Variants in COL20A1 observed in about 807,000 individuals in gnomAD.
COL20A1 encodes collagen type XX alpha 1 chain.
In COL20A1, 164 loss-of-function variants were observed where a neutral mutation model predicts 152.9. The ratio of observed to expected loss-of-function variants is 1.07; its 90% CI spans 0.94 to 1.22. The LOEUF (loss-of-function observed/expected upper bound fraction) is 1.22, where lower values mean the gene tolerates loss of function less well. Among genes scored for constraint, COL20A1 ranks in the 50% most tolerant of loss-of-function variants. COL20A1 has a pLI of 0.00. For missense variants in COL20A1, 1,873 were observed against 1,744.8 expected (o/e 1.07, Z -1.31); for synonymous variants, 864 against 756.0 (o/e 1.14, Z -2.34).
intron 2 of COL20A1, among the ~76,000 whole-genome samples, chr20:63,297,011 C>G (rs2067802496): frequency 6.6e-6 from 1 of 152,210 alleles, no homozygotes. Flanking sequence ...CCTGCCGCCC[C>G]CTCTTCCTCT....
intron 26 of COL20A1, among the ~76,000 whole-genome samples, chr20:63,321,690 G>A (rs2068165082): frequency 6.6e-6 from 1 of 152,112 alleles, no homozygotes; most frequent in Admixed American, 6.5e-5. Context: ...GAGGTCCTTG[G>A]ACCTGCCATG....
chr20:63,313,107 C>T lies in COL20A1; in HGVS notation c.2077-10C>T. On this transcript the variant is annotated splice_polypyrimidine_tract_variant and intron_variant, in intron 16 of 35. Transcript: ENST00000358894. The surrounding 1 kb of genome is among the most constrained non-coding windows in gnomAD (Gnocchi z 5.9). ...GCACCCGGTGACCCCTGGGGCTCTC[C>T]TCTCCCTAGATCTCTGTCCCAGGGA... 1 of 1,603,652 alleles carries T rather than the reference C, an allele frequency of 6.2e-7. No homozygotes were observed. The highest frequency in any genetic ancestry group is 8.5e-7 in the Non-Finnish European group (1 of 1,175,870).
chr20:63,321,987 AG>A, intron 26 of COL20A1, 70 bp from the exon 27 acceptor site: 1 of 1,313,766 alleles, frequency 7.6e-7, no homozygotes, highest in African/African-American at 1.5e-5. Context: ...CATGGGGCTC[AG>A]GGGCTGGTCT....
intron 2 of COL20A1, among the ~76,000 whole-genome samples, chr20:63,296,378 G>A (rs975763447): frequency 6.6e-6 from 1 of 152,282 alleles, no homozygotes; most frequent in Non-Finnish European, 1.5e-5. Flanking sequence ...GATTCAGCAT[G>A]ATGGGGCCAC....
At position 63,297,990 on chromosome 20, in the gene COL20A1, G is replaced by A. The variant is rs1480665941; in HGVS notation, c.163G>A (p.Gly55Ser). ...KWRESEGSGL[G>S]YLVQVKPMAG... ...GAGAGAGTCGGAGGGGAGCGGCCTC[G>A]GCTACCTGGTGCAGGTGAAGCCCAT... is the stretch of plus-strand genomic sequence containing the variant. Residue 55 changes from glycine to serine, a missense_variant, in exon 3 of 36, where the codon GGC becomes AGC. Coordinates refer to ENST00000358894, the MANE Select transcript of COL20A1 (RefSeq NM_020882.4). The A allele has an allele frequency of 4.3e-6, 7 of 1,612,460 alleles. No homozygotes were observed. Among genetic ancestry groups the A allele is most frequent in the South Asian group, 2.2e-5 (2 of 91,072 alleles).
chr20:63,319,198 A>C lies in COL20A1; in HGVS notation c.2804A>C (p.Asp935Ala). 6.2e-7 allele frequency: 1 copy of C among 1,612,326 alleles called. No homozygotes were observed. Among genetic ancestry groups the C allele is most frequent in the Non-Finnish European group, 8.5e-7 (1 of 1,179,584 alleles). ...CAGCCCCTCCTTGGGGTTCTGCTGG[A>C]TGGTGACGTGGGCCCCGCGTCGCCC... ...DFQPLLGVLL[D>A]AGKKSLTYFH... The change falls in exon 22 of 36, where the codon GAT becomes GCT. Residue 935 changes from aspartate (D) to alanine (A), a missense_variant and splice_region_variant. Coordinates refer to ENST00000358894, the MANE Select transcript of COL20A1 (RefSeq NM_020882.4). The surrounding 1 kb of genome is among the most constrained non-coding windows in gnomAD (Gnocchi z 4.4).
rs67798234 is a variant in COL20A1, at chr20:63,326,134, AC to A, written c.3446del (p.Pro1149LeufsTer53). On this transcript the variant is annotated frameshift_variant, in exon 30 of 36. Transcript: ENST00000358894. LOFTEE classifies it high-confidence loss of function. ...GLEGTAGLPG[P>X]PGPRGFQGMA... The stretch of plus-strand genomic sequence containing the variant: ...TGGAGGGAACTGCTGGCCTGCCTGG[AC>A]CCCCTGGCCCCAGGGTAGGCACCGA... 1 of 1,611,180 alleles carries A rather than the reference AC, an allele frequency of 6.2e-7. No individual in the cohort carries two copies. Among genetic ancestry groups the A allele is most frequent in the Non-Finnish European group, 8.5e-7 (1 of 1,179,016 alleles).
Position 63,326,732 on chromosome 20 carries a change from T to G in COL20A1, c.3457-20T>G. On this transcript the variant is annotated intron_variant, in intron 30 of 35. Transcript: ENST00000358894. ...TTTGCTGGGGGCCCAAGCCAAACCC[T>G]GACTTCTGTGTCTATGCAGGGGTTC... is the stretch of plus-strand genomic sequence containing the variant. The G allele has an allele frequency of 7.1e-7, 1 of 1,416,012 alleles. No homozygotes were observed. The highest frequency in any genetic ancestry group is 1.6e-5 in the South Asian group (1 of 61,554). The allele number at this position is 1,416,012 out of a possible 1,614,324, so 87.7% of individuals were successfully genotyped here.
intron 27 of COL20A1, among the ~76,000 whole-genome samples, chr20:63,323,195 T>A (rs1208039716): frequency 3.3e-5 from 5 of 152,258 alleles, no homozygotes; most frequent in African/African-American, 4.8e-5. Flanking sequence ...TCCTCTGACT[T>A]CTTCTCCACC....
At chr20:63,329,552 C>A in intron 34 of COL20A1, 33 bp from the exon 35 acceptor site, 1 of 1,575,884 alleles carries the variant, frequency 6.3e-7, no homozygotes, top group Non-Finnish European at 8.7e-7. Flanking sequence ...CACTGCATTG[C>A]TCCGTCCTCA....
Position 63,294,334 on chromosome 20 carries a change from C to T in COL20A1, c.-10-764C>T, listed in dbSNP as rs1380841434. The stretch of plus-strand genomic sequence containing the variant: ...ATGCTCCCCACCTCTCCGAGTGGCA[C>T]CTCTGGGCACTGGTCACTGGGTTAC... On this transcript the variant is annotated intron_variant, in intron 1 of 35. Coordinates refer to ENST00000358894, the MANE Select transcript of COL20A1 (RefSeq NM_020882.4). 4.0e-5 allele frequency among the ~76,000 whole-genome samples: 6 copies of T among 151,544 alleles called. No individual in the cohort carries two copies. The South Asian group carries it at 1.0e-3, about 26-fold the overall frequency.
intron 7 of COL20A1, 113 bp from the exon 8 acceptor site, chr20:63,308,429 C>T: frequency 3.6e-6 from 4 of 1,117,278 alleles, no homozygotes; most frequent in South Asian, 3.3e-5. Context: ...GCGGGGCCTC[C>T]TGATACCCCA....
chr20:63,325,244 C>A, intron 27 of COL20A1, 197 bp from the exon 28 acceptor site: 1 of 701,996 alleles, frequency 1.4e-6, no homozygotes. Context: ...CCTTGTCAGG[C>A]CCTACCCGCT....
chr20:63,311,694 C>T lies in COL20A1; in HGVS notation c.1609C>T (p.Gln537Ter), dbSNP rs563164863. ...TGGCAGGGACTATGAGGTCTCGGTG[C>T]AGAGCCTGCGAGGCCCTGAGGGCAG... ...EPGRDYEVSV[Q>*]SLRGPEGSEA... The change falls in exon 13 of 36, where the codon CAG becomes TAG. Residue 537 changes from glutamine to a stop codon, truncating the protein, a stop_gained. Transcript: ENST00000358894. LOFTEE classifies it high-confidence loss of function. This position sits in a 1 kb window ranked among gnomAD's most constrained non-coding sequence, Gnocchi z 4.4. 3.7e-6 allele frequency: 6 copies of T among 1,606,390 alleles called. No homozygotes were observed. The highest frequency in any genetic ancestry group is 1.7e-5 in the Admixed American group (1 of 59,770).
chr20:63,295,018 T>G (rs4809522), intron 1 of COL20A1, 80 bp from the exon 2 acceptor site: 61,148 of 901,494 alleles, frequency 0.068, 2,462 homozygotes, highest in Middle Eastern at 0.079. Flanking sequence ...CCTCGAGGAT[T>G]TGGAGAAGCT....
At chr20:63,315,197 G>C (rs1187781329) in intron 19 of COL20A1, among the ~76,000 whole-genome samples, 1 of 152,276 alleles carries the variant, frequency 6.6e-6, no homozygotes, top group Non-Finnish European at 1.5e-5. Context: ...ATCCAGAGGG[G>C]CAGGGACCAT....
chr20:63,301,908 C>A (rs1183169728), intron 3 of COL20A1, among the ~76,000 whole-genome samples: 6 of 152,190 alleles, frequency 3.9e-5, no homozygotes, highest in East Asian at 3.9e-4. Flanking sequence ...ATTAATGATA[C>A]ATTTGAGTTT....
In COL20A1 at chr20:63,322,027, TG is replaced by T. The variant is rs767288324; in HGVS notation, c.3241-26del. The T allele has an allele frequency of 9.9e-6, 15 of 1,510,012 alleles. No individual in the cohort carries two copies. The African/African-American group carries it at 2.0e-4, about 20-fold the overall frequency. The allele number at this position is 1,510,012 out of a possible 1,614,324, so 93.5% of individuals were successfully genotyped here. ...CTCCTCTACCTTGGTTGGGTAGTTCTGGGGGCTTAGCCCTGTTTGTGCCTCT... is the reference window on the plus strand; with the variant it reads ...CTCCTCTACCTTGGTTGGGTAGTTCTGGGGCTTAGCCCTGTTTGTGCCTCT... On this transcript the variant is annotated intron_variant, in intron 26 of 35. Coordinates refer to ENST00000358894, the MANE Select transcript of COL20A1 (RefSeq NM_020882.4).
At chr20:63,323,042 C>A (rs1169676090) in intron 27 of COL20A1, among the ~76,000 whole-genome samples, 1 of 152,260 alleles carries the variant, frequency 6.6e-6, no homozygotes, top group African/African-American at 2.4e-5. Flanking sequence ...GGCGCTCCCC[C>A]GCGACGAGCC....
Sources: allele counts gnomAD v4.1 joint callset (sites outside exome capture counted in the v4.1 genomes callset), GRCh38; gene constraint gnomAD v4.1.1; non-coding constraint Gnocchi (gnomAD v3.1); transcripts MANE v1.5; gene names NCBI Gene and HGNC (gene_info 2026-07-23, HGNC 2026-07-21).